The following DCN variants were observed in gnomAD, a reference collection of about 807,000 sequenced individuals.
DCN encodes the protein bone proteoglycan II.
In DCN, 17 loss-of-function variants were observed where a neutral mutation model predicts 36.5. The observed-to-expected ratio is 0.47, with a 90% CI of 0.32 to 0.70. The LOEUF (loss-of-function observed/expected upper bound fraction) is 0.70. DCN is among the 30% of genes least tolerant of loss of function. DCN has a pLI of 0.04. For missense variants in DCN, 389 were observed against 430.1 expected, an observed-to-expected ratio of 0.90 and a Z score of 0.84; for synonymous variants, 163 against 161.4, an observed-to-expected ratio of 1.01 and a Z score of -0.07.
chr12:91,169,746 C>G (rs911143390), intron 2 of DCN: 1 of 152,538 alleles, frequency 6.6e-6, no homozygotes, highest in African/African-American at 2.4e-5. Context: ...AATTCTGGTT[C>G]CTCTTCTTTA....
intron 2 of DCN, among the ~76,000 whole-genome samples, chr12:91,173,912 T>C (rs540021899): frequency 3.9e-5 from 6 of 152,370 alleles, no homozygotes; most frequent in African/African-American, 1.4e-4. Context: ...AAAATGATTA[T>C]GAAGAAGAAG....
chr12:91,178,662 T>C (rs1160248190), intron 1 of DCN, 77 bp from the exon 2 acceptor site: 2 of 856,204 alleles, frequency 2.3e-6, no homozygotes, highest in Non-Finnish European at 4.0e-6. Context: ...TATGCCACAA[T>C]ACAGTGAGCA....
chr12:91,163,818 C>A (rs1882318218), intron 3 of DCN, among the ~76,000 whole-genome samples: 1 of 151,990 alleles, frequency 6.6e-6, no homozygotes, highest in African/African-American at 2.4e-5. Context: ...GACTTTAGAA[C>A]ATCATTCACA....
chr12:91,153,123 C>G lies in DCN; in HGVS notation c.719G>C (p.Ser240Thr), dbSNP rs746964232. The G allele has an allele frequency of 2.6e-5, 42 of 1,607,642 alleles. No homozygotes were observed. The highest frequency in any genetic ancestry group is 3.3e-5 in the Non-Finnish European group (39 of 1,174,356). ...AGCCAAATTATTCAGTCCTTTCAGGCTAGCTGCATCAACTCTGCTGATTTT... is the reference window on the plus strand; with the variant it reads ...AGCCAAATTATTCAGTCCTTTCAGGGTAGCTGCATCAACTCTGCTGATTTT... The part of the protein sequence containing the change: ...GNKISRVDAA[S>T]LKGLNNLAKL... Residue 240 changes from serine (S) to threonine (T), a missense_variant, in exon 6 of 8, where the codon AGC (serine) becomes ACC (threonine). Ser to Thr is a moderately conservative substitution (Grantham distance 58). Coordinates refer to ENST00000052754, the MANE Select transcript of DCN (RefSeq NM_001920.5).
chr12:91,158,054 G>A (rs1350307091), intron 4 of DCN, among the ~76,000 whole-genome samples: 1 of 152,148 alleles, frequency 6.6e-6, no homozygotes, highest in Non-Finnish European at 1.5e-5. Flanking sequence ...TTGTGTGTGT[G>A]GTAGGGTAAC....
chr12:91,161,138 GA>G (rs1163956685), intron 3 of DCN, among the ~76,000 whole-genome samples: 2 of 152,162 alleles, frequency 1.3e-5, no homozygotes, highest in African/African-American at 4.8e-5. Flanking sequence ...AGGCTCTAAT[GA>G]ACTCTCTTTA....
rs1038143509 is a variant in DCN at position 91,141,683 on chromosome 12, G to T, written c.*4375C>A. On this transcript the variant is annotated 3_prime_UTR_variant, in exon 8 of 8. Coordinates refer to ENST00000052754, the MANE Select transcript of DCN (RefSeq NM_001920.5). ...ATATCTGATCAAGACAAAAAAGTTGGATTATTTTGACATTTTTGAGTGTAT... is the reference window on the plus strand; with the variant it reads ...ATATCTGATCAAGACAAAAAAGTTGTATTATTTTGACATTTTTGAGTGTAT... The T allele has an allele frequency of 4.6e-5, 7 of 152,092 alleles. No individual in the cohort carries two copies. Among genetic ancestry groups the T allele is most frequent in the African/African-American group, 1.4e-4 (6 of 41,426 alleles). The allele number at this position is 152,092 out of a possible 1,614,324, so 9.4% of individuals were successfully genotyped here.
chr12:91,166,948 T>A (rs1050658088), intron 2 of DCN, among the ~76,000 whole-genome samples: 2 of 152,198 alleles, frequency 1.3e-5, no homozygotes, highest in Non-Finnish European at 2.9e-5. Flanking sequence ...AGTTTATTTT[T>A]AAAAATGAAA....
rs1217810539 is a variant in DCN at position 91,144,343 on chromosome 12, A to G, written c.*1715T>C. The stretch of plus-strand genomic sequence containing the variant: ...ATCATTCAAGGTCCAGCTCTGAACA[A>G]CAACAAAAAAAGTCCATTTATGGAC... On this transcript the variant is annotated 3_prime_UTR_variant, in exon 8 of 8. Transcript: ENST00000052754. The G allele has an allele frequency of 6.6e-6, 1 of 152,224 alleles. No individual in the cohort carries two copies. Among genetic ancestry groups the G allele is most frequent in the Non-Finnish European group, 1.5e-5 (1 of 68,052 alleles). The allele number at this position is 152,224 out of a possible 1,614,324, so 9.4% of individuals were successfully genotyped here.
intron 7 of DCN, among the ~76,000 whole-genome samples, chr12:91,150,123 A>G (rs1006765148): frequency 6.6e-6 from 1 of 152,178 alleles, no homozygotes; most frequent in Non-Finnish European, 1.5e-5. Context: ...AAAAAGAACA[A>G]AGTTGGAGAA....
intron 2 of DCN, chr12:91,176,422 A>C (rs2121316355): frequency 6.6e-6 from 1 of 152,276 alleles, no homozygotes; most frequent in East Asian, 1.9e-4. Flanking sequence ...AACAAAAAAT[A>C]AACAAAACAA....
chr12:91,180,141 G>T (rs1883507604), intron 1 of DCN: 1 of 152,022 alleles, frequency 6.6e-6, no homozygotes, highest in South Asian at 2.1e-4. Flanking sequence ...AAACATAGTA[G>T]ATATTTAGTC....
chr12:91,171,435 C>T (rs1359130646), intron 2 of DCN, among the ~76,000 whole-genome samples: 1 of 152,182 alleles, frequency 6.6e-6, no homozygotes, highest in Non-Finnish European at 1.5e-5. Flanking sequence ...CTACAATATG[C>T]ATTTATCCCA....
chr12:91,164,388 A>G (rs1344376891), intron 3 of DCN, among the ~76,000 whole-genome samples: 2 of 139,310 alleles, frequency 1.4e-5, no homozygotes, highest in Non-Finnish European at 3.1e-5. Flanking sequence ...TAAAAAAAAA[A>G]GAAGCATAAT....
At chr12:91,177,710 C>T (rs572230114) in intron 2 of DCN, 3 of 696,302 alleles carry the variant, frequency 4.3e-6, no homozygotes, top group Admixed American at 2.0e-5. Context: ...TTACACCATA[C>T]CTTAGTGATA....
intron 5 of DCN, among the ~76,000 whole-genome samples, chr12:91,155,227 T>A (rs1247115032): frequency 6.6e-6 from 1 of 152,146 alleles, no homozygotes; most frequent in Admixed American, 6.5e-5. Flanking sequence ...TAATTACAAT[T>A]TTCTTTACCT....
At chr12:91,148,073 CTTTT>C (rs201463809) in intron 7 of DCN, among the ~76,000 whole-genome samples, 8 of 140,646 alleles carry the variant, frequency 5.7e-5, no homozygotes, top group African/African-American at 1.3e-4. Context: ...ACAACAAGGT[CTTTT>C]TTTTTTTTTT....
intron 2 of DCN, chr12:91,176,362 C>T (rs1565789606): frequency 6.6e-6 from 1 of 152,058 alleles, no homozygotes; most frequent in African/African-American, 2.4e-5. Context: ...ATGATGTACA[C>T]TTTGAGCTCC....
chr12:91,163,308 A>G (rs985195560), intron 3 of DCN, among the ~76,000 whole-genome samples: 1 of 152,146 alleles, frequency 6.6e-6, no homozygotes, highest in Admixed American at 6.5e-5. Context: ...AACTACCACA[A>G]TATTCATTCT....
Sources: allele counts gnomAD v4.1 joint callset (sites outside exome capture counted in the v4.1 genomes callset), GRCh38; gene constraint gnomAD v4.1.1; transcripts MANE v1.5; gene names NCBI Gene and HGNC (gene_info 2026-07-23, HGNC 2026-07-21).